FBXO34: variants seen among roughly 807,000 people sequenced by gnomAD.
The protein encoded by FBXO34 is F-box only protein 34.
Under a neutral mutation model 24.5 loss-of-function variants are expected in FBXO34, and 12 were observed. The ratio of observed to expected loss-of-function variants is 0.49; its 90% confidence interval spans 0.31 to 0.79. The LOEUF is 0.79. Ranked by LOEUF, FBXO34 falls within the 30% of genes least tolerant of loss-of-function variation. The pLI is 0.04. For synonymous variants in FBXO34, 320 were observed against 311.9 expected, an observed-to-expected ratio of 1.03 and a Z score of -0.27; for missense variants, 823 against 857.7, an observed-to-expected ratio of 0.96 and a Z score of 0.51.
At chr14:55,395,206 C>T in the FBXO34 span, 2 of 402,572 alleles carry the variant, frequency 5.0e-6, no homozygotes, top group East Asian at 7.3e-5. Flanking sequence ...GTGGCCCATT[C>T]AGTGGAGCTG....
intron 1 of FBXO34, among the ~76,000 whole-genome samples, chr14:55,318,845 G>A (rs755451632): frequency 2.0e-5 from 3 of 151,948 alleles, no homozygotes; most frequent in Non-Finnish European, 4.4e-5. Context: ...CATCTCACTC[G>A]CTCTCAAGTA....
the FBXO34 span, chr14:55,378,038 A>T: frequency 1.2e-6 from 2 of 1,613,146 alleles, no homozygotes; most frequent in Non-Finnish European, 8.5e-7. Context: ...CTGCTCGAGT[A>T]AATTTCTGCT....
chr14:55,321,034 G>A (rs1407611046), intron 1 of FBXO34, among the ~76,000 whole-genome samples: 3 of 151,134 alleles, frequency 2.0e-5, no homozygotes, highest in Admixed American at 1.3e-4. Flanking sequence ...AATAAACAGT[G>A]GACACAGAGA....
At chr14:55,283,855 T>C (rs149007673) in intron 1 of FBXO34, among the ~76,000 whole-genome samples, 1 of 152,294 alleles carries the variant, frequency 6.6e-6, no homozygotes, top group East Asian at 1.9e-4. Context: ...AATACTAACT[T>C]TACTGGAGAG....
At chr14:55,344,526 G>A (rs900901414) in intron 1 of FBXO34, among the ~76,000 whole-genome samples, 2 of 144,074 alleles carry the variant, frequency 1.4e-5, no homozygotes, top group African/African-American at 5.3e-5. Flanking sequence ...CAAGCCCAAT[G>A]TTAATTTTTG....
intron 1 of FBXO34, among the ~76,000 whole-genome samples, chr14:55,347,172 G>C (rs9919926): frequency 0.36 from 54,490 of 151,750 alleles, 10,363 homozygotes; most frequent in Non-Finnish European, 0.42. Context: ...TATAGCAACA[G>C]TTTAAAATAC....
chr14:55,354,584 CAGTA>C (rs1466587862), downstream of FBXO34: 3 of 152,362 alleles, frequency 2.0e-5, no homozygotes, highest in African/African-American at 7.2e-5. Flanking sequence ...GCAGAGGGCA[CAGTA>C]AGTATGTCCC....
chr14:55,291,013 CA>C (rs1400149458), intron 1 of FBXO34, among the ~76,000 whole-genome samples: 12 of 151,608 alleles, frequency 7.9e-5, no homozygotes, highest in African/African-American at 2.9e-4. Flanking sequence ...TTAGTAGAGA[CA>C]GGGGGTTTCA....
the FBXO34 span, among the ~76,000 whole-genome samples, chr14:55,405,947 T>C: frequency 6.8e-6 from 1 of 147,300 alleles, no homozygotes; most frequent in Non-Finnish European, 1.5e-5. Flanking sequence ...TGTTCAGGAC[T>C]GGGGGCAAGG....
Position 55,276,459 on chromosome 14 carries a change from G to A in FBXO34, c.-11+4922G>A, listed in dbSNP as rs73281268. Among the ~76,000 whole-genome samples the A allele has an allele frequency of 9.3e-3, 1,415 of 152,126 alleles. 31 individuals carry two copies. The highest frequency in any genetic ancestry group is 0.033 in the African/African-American group (1,366 of 41,478). On this transcript the variant is annotated intron_variant, in intron 1 of 1. Coordinates refer to ENST00000313833, the MANE Select transcript of FBXO34 (RefSeq NM_017943.4). ...ACTTTACACCTAGACATTTCCCCAT[G>A]CCTATTATTAACTATTTGTTTACTT... is the stretch of plus-strand genomic sequence containing the variant.
chr14:55,308,978 A>G (rs1179417413), intron 1 of FBXO34, among the ~76,000 whole-genome samples: 1 of 152,200 alleles, frequency 6.6e-6, no homozygotes, highest in African/African-American at 2.4e-5. Flanking sequence ...TGCAGACATC[A>G]TGAAAATATC....
downstream of FBXO34, chr14:55,361,924 C>G (rs912011679): frequency 1.3e-5 from 2 of 152,190 alleles, no homozygotes; most frequent in Non-Finnish European, 2.9e-5. Flanking sequence ...AGCAATGAGG[C>G]TGTTTTGCTT....
chr14:55,366,510 A>T (rs1884681994), downstream of FBXO34: 1 of 152,598 alleles, frequency 6.6e-6, no homozygotes, highest in African/African-American at 2.4e-5. Flanking sequence ...CTGTGAGGAG[A>T]TTCTCGGACA....
chr14:55,345,802 G>A (rs1234693761), intron 1 of FBXO34, among the ~76,000 whole-genome samples: 1 of 152,132 alleles, frequency 6.6e-6, no homozygotes, highest in African/African-American at 2.4e-5. Flanking sequence ...AGGAGTTCAG[G>A]ACCAGCCTGG....
the FBXO34 span, among the ~76,000 whole-genome samples, chr14:55,377,638 C>CA: frequency 2.6e-5 from 4 of 151,600 alleles, no homozygotes; most frequent in South Asian, 2.1e-4. Flanking sequence ...GACATGATTA[C>CA]AAAAAAAACC....
chr14:55,431,213 C>T, the FBXO34 span, among the ~76,000 whole-genome samples: 1 of 152,182 alleles, frequency 6.6e-6, no homozygotes, highest in Non-Finnish European at 1.5e-5. Context: ...TCACAACTCA[C>T]TATCCAAAAC....
the FBXO34 span, among the ~76,000 whole-genome samples, chr14:55,416,384 G>A: frequency 1.3e-5 from 2 of 152,068 alleles, no homozygotes; most frequent in African/African-American, 4.8e-5. Flanking sequence ...TTGAGCCCAG[G>A]AGTTTGAGAC....
the FBXO34 span, chr14:55,395,857 AT>A: frequency 1.9e-6 from 2 of 1,069,910 alleles, no homozygotes; most frequent in African/African-American, 3.3e-5. Flanking sequence ...ATTTTTAAAA[AT>A]TTTAATTAAA....
chr14:55,323,900 A>G (rs1464849302), intron 1 of FBXO34, among the ~76,000 whole-genome samples: 2 of 152,134 alleles, frequency 1.3e-5, no homozygotes, highest in African/African-American at 4.8e-5. Flanking sequence ...GATGTTACTG[A>G]TTTATTTAAA....
Sources: gnomAD v4.1 joint callset for allele counts (sites outside exome capture counted in the v4.1 genomes callset) on GRCh38, gnomAD v4.1.1 for gene constraint, MANE v1.5 for transcripts, NCBI Gene and HGNC (gene_info 2026-07-23, HGNC 2026-07-21) for gene names.